The following DNAH12 variants were observed in gnomAD, a reference collection of about 807,000 sequenced individuals.
DNAH12 encodes the protein dynein axonemal heavy chain 12.
In DNAH12, 285 loss-of-function variants were observed where a neutral mutation model predicts 371.5. The ratio of observed to expected loss-of-function variants is 0.77; its 90% CI spans 0.70 to 0.85. DNAH12 has a LOEUF of 0.85. DNAH12 is among the 40% of genes least tolerant of loss of function. The pLI, the probability that DNAH12 is intolerant of heterozygous loss-of-function variation, is 0.00. For synonymous variants in DNAH12, 1,200 were observed against 1,213.0 expected, an observed-to-expected ratio of 0.99 and a Z score of 0.22; for missense variants, 3,611 against 3,689.4, an observed-to-expected ratio of 0.98 and a Z score of 0.55.
chr3:57,458,950 C>G (rs567318845), intron 20 of DNAH12, among the ~76,000 whole-genome samples: 1 of 152,266 alleles, frequency 6.6e-6, no homozygotes, highest in Non-Finnish European at 1.5e-5. Context: ...CCTTAAAACT[C>G]ATAAATTTCA....
chr3:57,419,229 A>T, intron 37 of DNAH12, 138 bp downstream of exon 37: 1 of 823,776 alleles, frequency 1.2e-6, no homozygotes, highest in Non-Finnish European at 1.8e-6. Flanking sequence ...AACAGATGTC[A>T]CTTTCAACAT....
intron 39 of DNAH12, 131 bp from the exon 40 acceptor site, chr3:57,408,666 G>C: frequency 2.6e-6 from 3 of 1,168,876 alleles, no homozygotes; most frequent in Non-Finnish European, 3.4e-6. Context: ...ATAACACTTT[G>C]AGTAGGAGAG....
Position 57,472,621 on chromosome 3 carries a change from T to C in DNAH12, c.1701A>G (p.Gln567=), listed in dbSNP as rs940791589. Residue 567 remains glutamine (Q), a synonymous_variant, in exon 14 of 74, where the codon CAA becomes CAG. Coordinates refer to ENST00000495027, the MANE Select transcript of DNAH12 (RefSeq NM_001366028.2). ...CAGTTGCATTTAAAGCTAAGTCTTCTTGAGGAAATAGGAAAACATCTAAAA... is the reference window on the plus strand; with the variant it reads ...CAGTTGCATTTAAAGCTAAGTCTTCCTGAGGAAATAGGAAAACATCTAAAA... The part of the protein sequence containing the change: ...SYFLDVFLFP[Q]EDLALNATVL... 15 of 1,551,036 alleles carry C rather than the reference T, an allele frequency of 9.7e-6. No individual in the cohort carries two copies. The highest frequency in any genetic ancestry group is 5.5e-5 in the African/African-American group (4 of 73,024).
intron 67 of DNAH12, 28 bp downstream of exon 67, chr3:57,310,689 C>T (rs1317986152): frequency 1.4e-6 from 2 of 1,469,274 alleles, no homozygotes; most frequent in East Asian, 4.9e-5. Context: ...ACACATTAAT[C>T]TAACCTTATT....
chr3:57,484,577 A>G (rs1178623802), intron 12 of DNAH12, among the ~76,000 whole-genome samples: 2 of 152,174 alleles, frequency 1.3e-5, no homozygotes, highest in African/African-American at 2.4e-5. Context: ...ACCTGAAACC[A>G]TAAAAATTCT....
chr3:57,482,062 T>C (rs1309409961), intron 13 of DNAH12, among the ~76,000 whole-genome samples: 4 of 152,216 alleles, frequency 2.6e-5, no homozygotes, highest in Admixed American at 2.0e-4. Context: ...AAAGCCAAAA[T>C]TGACAAATGG....
chr3:57,486,567 C>T (rs2066929770), intron 12 of DNAH12, among the ~76,000 whole-genome samples: 2 of 152,124 alleles, frequency 1.3e-5, no homozygotes, highest in Admixed American at 6.5e-5. Context: ...TATACTTGCT[C>T]ATTCACTCAT....
Position 57,538,958 on chromosome 3 carries a change from A to G in DNAH12, c.170+3743T>C, listed in dbSNP as rs1405395601. Among the ~76,000 whole-genome samples the G allele has an allele frequency of 2.0e-5, 3 of 152,100 alleles. No individual in the cohort carries two copies. In the East Asian group the frequency reaches 5.8e-4, roughly 29 times the overall value. ...ACCCCCCACCTCCTGGACTTCCTCAATTCTCTATAAATGGTACTACTATCC... is the reference window on the plus strand; with the variant it reads ...ACCCCCCACCTCCTGGACTTCCTCAGTTCTCTATAAATGGTACTACTATCC... On this transcript the variant is annotated intron_variant, in intron 2 of 73. Coordinates refer to ENST00000495027, the MANE Select transcript of DNAH12 (RefSeq NM_001366028.2).
Position 57,413,785 on chromosome 3 carries a change from G to C in DNAH12, c.5981C>G (p.Pro1994Arg). 2 of 1,550,952 alleles carry C rather than the reference G, an allele frequency of 1.3e-6. No individual in the cohort carries two copies. The highest frequency in any genetic ancestry group is 1.7e-6 in the Non-Finnish European group (2 of 1,146,700). The change falls in exon 39 of 74, where the codon CCT becomes CGT. Residue 1994 changes from proline to arginine, a missense_variant. Pro to Arg is a moderately radical substitution (Grantham distance 103). Coordinates refer to ENST00000495027, the MANE Select transcript of DNAH12 (RefSeq NM_001366028.2). ...AAAAAACTGTCGTAATAATTCAATAGGTGGTTGAGCTCCATACTTCTCCAA... is the reference window on the plus strand; with the variant it reads ...AAAAAACTGTCGTAATAATTCAATACGTGGTTGAGCTCCATACTTCTCCAA... ...PALEKYGAQP[P>R]IELLRQFFDC...
At chr3:57,538,839 T>C (rs919483119) in intron 2 of DNAH12, among the ~76,000 whole-genome samples, 7 of 152,244 alleles carry the variant, frequency 4.6e-5, no homozygotes, top group African/African-American at 1.7e-4. Context: ...ATCTCCAGCC[T>C]AGACTTCTTC....
chr3:57,428,853 G>A (rs1475911174), intron 33 of DNAH12, 32 bp from the exon 34 acceptor site: 8 of 1,491,020 alleles, frequency 5.4e-6, no homozygotes, highest in Non-Finnish European at 7.1e-6. Flanking sequence ...TTGCACTGTT[G>A]TTTTTATACC....
intron 62 of DNAH12, among the ~76,000 whole-genome samples, chr3:57,326,399 A>G (rs2061947941): frequency 1.3e-5 from 2 of 152,244 alleles, no homozygotes; most frequent in East Asian, 1.9e-4. Flanking sequence ...AGTGGGGGCC[A>G]ATATTCAACA....
intron 45 of DNAH12, among the ~76,000 whole-genome samples, chr3:57,387,957 G>A (rs2063529745): frequency 6.6e-6 from 1 of 151,990 alleles, no homozygotes; most frequent in East Asian, 1.9e-4. Flanking sequence ...TCATATGACA[G>A]TTAAAAAACC....
intron 62 of DNAH12, among the ~76,000 whole-genome samples, chr3:57,330,704 A>G (rs1448071922): frequency 6.2e-5 from 9 of 145,148 alleles, no homozygotes; most frequent in Non-Finnish European, 3.0e-5. Flanking sequence ...CCTAAAACTT[A>G]AAGTATAATA....
At chr3:57,416,176 T>C (rs1369729702) in intron 37 of DNAH12, among the ~76,000 whole-genome samples, 1 of 152,066 alleles carries the variant, frequency 6.6e-6, no homozygotes, top group Non-Finnish European at 1.5e-5. Flanking sequence ...CTTGAACTTC[T>C]GGGCTCAAGT....
chr3:57,498,857 G>C (rs2067406717), intron 11 of DNAH12, among the ~76,000 whole-genome samples: 1 of 151,962 alleles, frequency 6.6e-6, no homozygotes, highest in Non-Finnish European at 1.5e-5. Context: ...AAATTAGCTG[G>C]CCATGGTGAT....
intron 49 of DNAH12, among the ~76,000 whole-genome samples, chr3:57,383,884 A>G: frequency 6.6e-6 from 1 of 152,324 alleles, no homozygotes; most frequent in Middle Eastern, 3.4e-3. Flanking sequence ...AATGCCCTAA[A>G]ACAATCTTGT....
At chr3:57,420,511 A>G (rs993280355) in intron 36 of DNAH12, among the ~76,000 whole-genome samples, 3 of 152,172 alleles carry the variant, frequency 2.0e-5, no homozygotes, top group African/African-American at 7.2e-5. Flanking sequence ...CAAAAGATTT[A>G]CAAGGTTAAG....
At chr3:57,549,580 T>C in the DNAH12 span, among the ~76,000 whole-genome samples, 1 of 152,204 alleles carries the variant, frequency 6.6e-6, no homozygotes, top group African/African-American at 2.4e-5. Context: ...CTCTCTCTTC[T>C]TTCTTTTGCA....
Sources: gnomAD v4.1 joint callset for allele counts (sites outside exome capture counted in the v4.1 genomes callset) on GRCh38, gnomAD v4.1.1 for gene constraint, MANE v1.5 for transcripts, NCBI Gene and HGNC (gene_info 2026-07-23, HGNC 2026-07-21) for gene names.